Variants in FGD1 observed in about 807,000 individuals in gnomAD.
FGD1 encodes the protein FYVE, RhoGEF and PH domain-containing protein 1.
In FGD1, 12 loss-of-function variants were observed where a neutral mutation model predicts 65.0. The ratio of observed to expected loss-of-function variants is 0.18; its 90% CI spans 0.12 to 0.30. The LOEUF is 0.30. Ranked by LOEUF, FGD1 falls within the 10% of genes least tolerant of loss-of-function variation. FGD1 has a pLI of 1.00. For synonymous variants in FGD1, 333 were observed against 343.9 expected, an observed-to-expected ratio of 0.97 and a Z score of 0.35; for missense variants, 542 against 837.6, an observed-to-expected ratio of 0.65 and a Z score of 4.36.
intron 6 of FGD1, among the ~76,000 whole-genome samples, chrX:54,466,769 TG>T (rs1569541226): frequency 9.2e-6 from 1 of 109,202 alleles, no homozygotes; most frequent in African/African-American, 3.3e-5. Context: ...TTTTTTTTTT[TG>T]AGAGAGTCTT....
At chrX:54,487,671 T>G (rs1438560838) in intron 1 of FGD1, among the ~76,000 whole-genome samples, 1 of 112,312 alleles carries the variant, frequency 8.9e-6, no homozygotes, top group Non-Finnish European at 1.9e-5. Context: ...CAAAGCCAGC[T>G]GGGCATGGTG....
chrX:54,449,730 G>T lies in FGD1; in HGVS notation c.2077C>A (p.Gln693Lys). The T allele has an allele frequency of 8.3e-7, 1 of 1,207,887 alleles. No individual in the cohort carries two copies. The highest frequency in any genetic ancestry group is 1.7e-5 in the African/African-American group (1 of 57,584). Residue 693 changes from glutamine (Q) to lysine (K), a missense_variant, in exon 14 of 18, where the codon CAG becomes AAG. Gln to Lys is a moderately conservative substitution (Grantham distance 53). This residue lies in a region of FGD1 where 182 missense variants were observed against 311.4 expected (regional missense o/e 0.58). Coordinates refer to ENST00000375135, the MANE Select transcript of FGD1 (RefSeq NM_004463.3). Reference protein sequence around the residue: ...AINSTLLKHEQTLETFKLLNS... With the variant: ...AINSTLLKHEKTLETFKLLNS... ...AACAGTTTGAAAGTCTCCAGCGTCTGTTCATGCTTCAGGAGGGTGGAGTTG... is the reference window on the plus strand; with the variant it reads ...AACAGTTTGAAAGTCTCCAGCGTCTTTTCATGCTTCAGGAGGGTGGAGTTG...
chrX:54,485,242 G>C (rs895938262), intron 1 of FGD1, among the ~76,000 whole-genome samples: 2 of 110,855 alleles, frequency 1.8e-5, no homozygotes, highest in Non-Finnish European at 3.8e-5. Context: ...CTCCCCAGCA[G>C]ACCCCACGAT....
rs1235109355 is a variant in FGD1, at chrX:54,450,272, T to C, written c.2045A>G (p.Gln682Arg). 8.3e-7 allele frequency: 1 copy of C among 1,208,106 alleles called. No individual in the cohort carries two copies. Among genetic ancestry groups the C allele is most frequent in the Non-Finnish European group, 1.1e-6 (1 of 893,787 alleles). Reference sequence around the variant, plus strand: ...CTACCACAGAGCCTTGGATGTTACCTGGACCCAGTCTTTCTTCTCCTCCTC... The same window carrying C: ...CTACCACAGAGCCTTGGATGTTACCCGGACCCAGTCTTTCTTCTCCTCCTC... The part of the protein sequence containing the change: ...RTEEEKKDWV[Q>R]AINSTLLKHE... The change falls in exon 13 of 18, where the codon CAG (glutamine) becomes CGG (arginine). Residue 682 changes from glutamine to arginine, a missense_variant and splice_region_variant. Coordinates refer to ENST00000375135, the MANE Select transcript of FGD1 (RefSeq NM_004463.3).
chrX:54,466,163 G>A (rs1167689788), intron 6 of FGD1, among the ~76,000 whole-genome samples: 1 of 111,647 alleles, frequency 9.0e-6, no homozygotes, highest in Non-Finnish European at 1.9e-5. Flanking sequence ...TGTGTGCTGG[G>A]TGATGCTGGG....
chrX:54,488,116 T>C (rs1291397590), intron 1 of FGD1, among the ~76,000 whole-genome samples: 1 of 101,336 alleles, frequency 9.9e-6, no homozygotes, highest in Non-Finnish European at 2.0e-5. Context: ...ATACAAAAAT[T>C]AGCTGGGCAC....
chrX:54,465,358 C>T (rs377069160), intron 8 of FGD1, 93 bp downstream of exon 8: 41 of 992,274 alleles, frequency 4.1e-5, no homozygotes, highest in African/African-American at 9.8e-5. Flanking sequence ...GAAGGCCGAC[C>T]CTGTGAATTA....
Position 54,465,710 on chromosome X carries a change from T to C in FGD1, c.1483A>G (p.Ile495Val). 1 of 1,211,586 alleles carries C rather than the reference T, an allele frequency of 8.3e-7. No individual in the cohort carries two copies. Among genetic ancestry groups the C allele is most frequent in the Non-Finnish European group, 1.1e-6 (1 of 895,503 alleles). ...TGACCACTTACCTGCACCTCATGGA[T>C]GATGACTTTAAACTGGGTGGAGCGC... ...TERSTQFKVI[I>V]HEVQKEEACG... The change falls in exon 7 of 18, where the codon ATC (isoleucine) becomes GTC (valine). Residue 495 changes from isoleucine (I) to valine (V), a missense_variant. By Grantham distance (29) the Ile-to-Val change is conservative. Around this residue, in one of 6 missense-constraint regions of FGD1, gnomAD observed 41 missense variants for 109.5 expected, o/e 0.37. Transcript: ENST00000375135.
At chrX:54,465,976 G>T in intron 6 of FGD1, 124 bp from the exon 7 acceptor site, 1 of 803,419 alleles carries the variant, frequency 1.2e-6, no homozygotes, top group Non-Finnish European at 1.8e-6. Context: ...TTCTCAGCTA[G>T]TCTGCTCCTT....
chrX:54,458,829 C>T lies in FGD1; in HGVS notation c.1637-2262G>A, dbSNP rs141283828. 2.8e-3 allele frequency among the ~76,000 whole-genome samples: 309 copies of T among 111,910 alleles called. 3 individuals carry two copies. The highest frequency in any genetic ancestry group is 9.7e-3 in the African/African-American group (299 of 30,856). On this transcript the variant is annotated intron_variant, in intron 8 of 17. Transcript: ENST00000375135. Reference sequence around the variant, plus strand: ...TGCATCCATATTCCTCAGTAGACTACGAGCTCCCTAGGACAGGGCCAAGGT... The same window carrying T: ...TGCATCCATATTCCTCAGTAGACTATGAGCTCCCTAGGACAGGGCCAAGGT...
intron 1 of FGD1, among the ~76,000 whole-genome samples, chrX:54,483,612 C>T (rs894192322): frequency 6.2e-5 from 7 of 112,274 alleles, no homozygotes; most frequent in Non-Finnish European, 1.1e-4. Context: ...CACCCACCTG[C>T]CCTTACTCTG....
intron 1 of FGD1, among the ~76,000 whole-genome samples, chrX:54,484,278 C>T (rs745502064): frequency 1.8e-5 from 2 of 110,785 alleles, no homozygotes; most frequent in South Asian, 4.0e-4. Flanking sequence ...CCACTCCCCC[C>T]ACCCTCATGT....
chrX:54,490,807 G>C (rs914242612), intron 1 of FGD1, among the ~76,000 whole-genome samples: 3 of 111,209 alleles, frequency 2.7e-5, no homozygotes, highest in Non-Finnish European at 5.7e-5. Context: ...TTTGCCTTCT[G>C]TCTCAGCCTC....
intron 1 of FGD1, among the ~76,000 whole-genome samples, chrX:54,481,171 G>A (rs1304808160): frequency 9.1e-6 from 1 of 109,942 alleles, no homozygotes; most frequent in Non-Finnish European, 1.9e-5. Context: ...CCCACTCCCT[G>A]GAAGGGCCCA....
intron 16 of FGD1, 148 bp downstream of exon 16, chrX:54,448,658 A>G (rs1922300858): frequency 3.9e-6 from 2 of 513,034 alleles, no homozygotes; most frequent in African/African-American, 4.7e-5. Flanking sequence ...ACTGTCTTTC[A>G]TTCACTCTTG....
At chrX:54,479,595 G>T (rs1206598498) in intron 1 of FGD1, among the ~76,000 whole-genome samples, 1 of 110,222 alleles carries the variant, frequency 9.1e-6, no homozygotes, top group African/African-American at 3.3e-5. Flanking sequence ...GACAGCCCAG[G>T]CAAACTTCTC....
At chrX:54,472,127 AG>A (rs765761274) in intron 1 of FGD1, among the ~76,000 whole-genome samples, 8 of 110,190 alleles carry the variant, frequency 7.3e-5, no homozygotes, top group Non-Finnish European at 1.3e-4. Flanking sequence ...AAAATATAAA[AG>A]TTAGCTGGGC....
chrX:54,453,967 GT>G (rs1922434590), intron 12 of FGD1, among the ~76,000 whole-genome samples: 1 of 112,049 alleles, frequency 8.9e-6, no homozygotes, highest in Non-Finnish European at 1.9e-5. Context: ...ATTTTAAAAT[GT>G]TTATTATAAA....
intron 17 of FGD1, among the ~76,000 whole-genome samples, chrX:54,446,983 C>CAA (rs766803203): frequency 3.1e-4 from 35 of 111,270 alleles, no homozygotes; most frequent in Non-Finnish European, 6.0e-4. Context: ...CTCGGCCTCT[C>CAA]AGAGTGCTGG....
Sources: gnomAD v4.1 joint callset for allele counts (sites outside exome capture counted in the v4.1 genomes callset) on GRCh38, gnomAD v4.1.1 for gene constraint, gnomAD v4.1.1 regional missense constraint, MANE v1.5 for transcripts, NCBI Gene and HGNC (gene_info 2026-07-23, HGNC 2026-07-21) for gene names.